FMN1: variants seen among roughly 807,000 people sequenced by gnomAD.
FMN1 encodes the protein formin-1.
A neutral mutation model predicts 132.4 loss-of-function variants in FMN1; 110 were observed. The observed-to-expected ratio is 0.83, with a 90% confidence interval of 0.71 to 0.97. The LOEUF is 0.97. Ranked by LOEUF, FMN1 falls within the 50% of genes least tolerant of loss-of-function variation. The pLI, the probability that FMN1 is intolerant of heterozygous loss-of-function variation, is 0.00. For synonymous variants in FMN1, 722 were observed against 651.7 expected (o/e 1.11, Z -1.64); for missense variants, 1,792 against 1,705.3 (o/e 1.05, Z -0.90).
intron 7 of FMN1, among the ~76,000 whole-genome samples, chr15:32,991,527 T>C (rs1174856224): frequency 5.3e-5 from 8 of 152,322 alleles, no homozygotes; most frequent in Admixed American, 5.2e-4. Flanking sequence ...GATTCAAAGC[T>C]GAGTCTTCTG....
chr15:33,091,548 T>A (rs1381862675), intron 4 of FMN1, among the ~76,000 whole-genome samples: 2 of 152,180 alleles, frequency 1.3e-5, no homozygotes, highest in Non-Finnish European at 2.9e-5. Context: ...CAAGAATCAT[T>A]TGGACAGAAA....
intron 4 of FMN1, chr15:33,149,792 C>A (rs1964372542): frequency 1.0e-6 from 1 of 984,422 alleles, no homozygotes; most frequent in South Asian, 4.7e-5. Context: ...CGCTTCTTTA[C>A]AATTTTATTG....
intron 7 of FMN1, among the ~76,000 whole-genome samples, chr15:32,979,528 C>A (rs7169768): frequency 7.0e-6 from 1 of 143,716 alleles, no homozygotes; most frequent in Non-Finnish European, 1.5e-5. Context: ...TGCACTGCAG[C>A]CTGCGCAACA....
chr15:32,783,171 T>C (rs1251410645), intron 19 of FMN1, among the ~76,000 whole-genome samples: 1 of 151,948 alleles, frequency 6.6e-6, no homozygotes, highest in Non-Finnish European at 1.5e-5. Context: ...AAAATAAAGG[T>C]TATATGGCAA....
chr15:33,060,267 T>G lies in FMN1; in HGVS notation c.2161+4690A>C, dbSNP rs148261806. Among the ~76,000 whole-genome samples the G allele has an allele frequency of 1.3e-3, 192 of 152,332 alleles. 1 individual carries two copies. The highest frequency in any genetic ancestry group is 2.9e-3 in the Admixed American group (45 of 15,300). Reference sequence around the variant, plus strand: ...CTTTAAAGGAAAATCCATTGCTGACTAACGCAGCCTGTTAGCTATGAATGC... The same window carrying G: ...CTTTAAAGGAAAATCCATTGCTGACGAACGCAGCCTGTTAGCTATGAATGC... On this transcript the variant is annotated intron_variant, in intron 6 of 20. Coordinates refer to ENST00000616417, the MANE Select transcript of FMN1 (RefSeq NM_001277313.2).
chr15:33,133,382 C>A (rs1248725414), intron 4 of FMN1, among the ~76,000 whole-genome samples: 2 of 152,188 alleles, frequency 1.3e-5, no homozygotes, highest in Non-Finnish European at 2.9e-5. Flanking sequence ...TCTAAGGAAC[C>A]TCTCACAATA....
intron 16 of FMN1, among the ~76,000 whole-genome samples, chr15:32,880,109 C>T (rs549293929): frequency 4.1e-4 from 63 of 151,880 alleles, no homozygotes; most frequent in Non-Finnish European, 6.3e-4. Flanking sequence ...TTCCTTCACT[C>T]CCGCCTCTTC....
At chr15:32,783,984 GTATTTCAC>G (rs2056764516) in intron 19 of FMN1, among the ~76,000 whole-genome samples, 1 of 152,040 alleles carries the variant, frequency 6.6e-6, no homozygotes, top group South Asian at 2.1e-4. Flanking sequence ...TTGACATTCA[GTATTTCAC>G]TGGTTTGTGT....
intron 7 of FMN1, among the ~76,000 whole-genome samples, chr15:32,994,182 C>A (rs2033620897): frequency 6.7e-6 from 1 of 148,680 alleles, no homozygotes; most frequent in Admixed American, 6.8e-5. Context: ...GAGTATGTTA[C>A]ATGCAATAAA....
intron 7 of FMN1, among the ~76,000 whole-genome samples, chr15:32,995,551 T>C (rs775663391): frequency 3.1e-4 from 47 of 152,180 alleles, no homozygotes; most frequent in Non-Finnish European, 5.4e-4. Context: ...GTGTAGTGTC[T>C]GGCATATAGC....
intron 17 of FMN1, among the ~76,000 whole-genome samples, chr15:32,818,582 G>A (rs2058119434): frequency 6.6e-6 from 1 of 152,122 alleles, no homozygotes; most frequent in Non-Finnish European, 1.5e-5. Flanking sequence ...GGCTACCAGT[G>A]CATTTTAAAA....
At chr15:33,010,890 CAT>C (rs541331651) in intron 6 of FMN1, among the ~76,000 whole-genome samples, 51 of 150,798 alleles carry the variant, frequency 3.4e-4, no homozygotes, top group Non-Finnish European at 7.1e-4. Flanking sequence ...ATTTTATTGA[CAT>C]ATTTTACTAA....
At chr15:32,822,347 C>T (rs1048562253) in intron 17 of FMN1, among the ~76,000 whole-genome samples, 1 of 152,076 alleles carries the variant, frequency 6.6e-6, no homozygotes, top group African/African-American at 2.4e-5. Flanking sequence ...GAGAGTCTGT[C>T]ACAAACAAAC....
chr15:32,791,316 C>T lies in FMN1; in HGVS notation c.4130+7488G>A, dbSNP rs73384980. On this transcript the variant is annotated intron_variant, in intron 19 of 20. Coordinates refer to ENST00000616417, the MANE Select transcript of FMN1 (RefSeq NM_001277313.2). ...ATTCTGTTTATTAATGAAACTATGACATTGAAAATTCATTTACTCTCTCAT... is the reference window on the plus strand; with the variant it reads ...ATTCTGTTTATTAATGAAACTATGATATTGAAAATTCATTTACTCTCTCAT... Among the ~76,000 whole-genome samples the T allele has an allele frequency of 5.9e-3, 878 of 148,600 alleles. 9 individuals are homozygous for T. Among genetic ancestry groups the T allele is most frequent in the African/African-American group, 0.021 (843 of 40,772 alleles).
intron 5 of FMN1, among the ~76,000 whole-genome samples, chr15:33,081,740 G>A (rs1358704964): frequency 6.6e-6 from 1 of 152,188 alleles, no homozygotes; most frequent in Non-Finnish European, 1.5e-5. Context: ...CCGTGCCCTT[G>A]CTGATTTGTA....
chr15:33,153,747 G>T lies in FMN1; in HGVS notation c.1168C>A (p.Arg390=). 1 of 1,536,188 alleles carries T rather than the reference G, an allele frequency of 6.5e-7. No individual in the cohort carries two copies. The highest frequency in any genetic ancestry group is 8.7e-7 in the Non-Finnish European group (1 of 1,146,922). The change falls in exon 4 of 21, where the codon CGG becomes AGG. Residue 390 remains arginine, a synonymous_variant. Coordinates refer to ENST00000616417, the MANE Select transcript of FMN1 (RefSeq NM_001277313.2). ...AHGSRRQGKE[R]QGDRSSQSPA... ...GACTGCGATGACCTATCCCCTTGCCGCTCCTTGCCCTGCCGCCTGGAGCCA... is the reference window on the plus strand; with the variant it reads ...GACTGCGATGACCTATCCCCTTGCCTCTCCTTGCCCTGCCGCCTGGAGCCA...
intron 9 of FMN1, among the ~76,000 whole-genome samples, chr15:32,959,896 G>A (rs776127920): frequency 1.3e-5 from 2 of 152,304 alleles, no homozygotes; most frequent in Admixed American, 1.3e-4. Flanking sequence ...AAGAACAAAA[G>A]TAAATTTAAT....
chr15:32,766,118 A>G lies in FMN1; in HGVS notation c.*8192T>C, dbSNP rs753797692. ...TTACTGCCTACAATCTTTTCAGATT[A>G]TATCTACAGACTGGTCTAATACTTA... is the stretch of plus-strand genomic sequence containing the variant. On this transcript the variant is annotated 3_prime_UTR_variant, in exon 21 of 21. Coordinates refer to ENST00000616417, the MANE Select transcript of FMN1 (RefSeq NM_001277313.2). 33 of 152,152 alleles carry G rather than the reference A, an allele frequency of 2.2e-4. No homozygotes were observed. Among genetic ancestry groups the G allele is most frequent in the Non-Finnish European group, 3.2e-4 (22 of 68,036 alleles). 9.4% of individuals were successfully genotyped at this position (152,152 alleles called of 1,614,324 possible).
intron 17 of FMN1, among the ~76,000 whole-genome samples, chr15:32,823,427 G>A (rs1322125642): frequency 6.6e-6 from 1 of 152,106 alleles, no homozygotes; most frequent in Admixed American, 6.5e-5. Context: ...GCCTCCCAAA[G>A]TGCTGGGATT....
Sources: allele counts gnomAD v4.1 joint callset (sites outside exome capture counted in the v4.1 genomes callset), GRCh38; gene constraint gnomAD v4.1.1; transcripts MANE v1.5; gene names NCBI Gene and HGNC (gene_info 2026-07-23, HGNC 2026-07-21).